The following CNTNAP2 variants were observed in gnomAD, a reference collection of about 807,000 sequenced individuals.
CNTNAP2 encodes contactin associated protein 2, also known as contactin-associated protein-like 2.
CNTNAP2 carries 98 observed loss-of-function variants against 155.2 expected under a neutral mutation model. The observed-to-expected ratio is 0.63, with a 90% CI of 0.54 to 0.75. The LOEUF is 0.75. Among genes scored for constraint, CNTNAP2 ranks in the 30% least tolerant of loss-of-function variants. The probability of loss-of-function intolerance (pLI) is 0.00; values close to 1 mark genes in which losing one functional copy is unlikely to be tolerated. For synonymous variants in CNTNAP2, 651 were observed against 631.2 expected (o/e 1.03, Z -0.47); for missense variants, 1,727 against 1,688.1 (o/e 1.02, Z -0.40).
rs1245382294 is a variant in CNTNAP2 at position 147,076,299 on chromosome 7, TC to T, written c.551-31846del. On this transcript the variant is annotated intron_variant, in intron 4 of 23. Coordinates refer to ENST00000361727, the MANE Select transcript of CNTNAP2 (RefSeq NM_014141.6). ...CACATCCTCTCCAGCACCGGTTGTTTCCTGACTTGTTAATGAACACCATTCT... is the reference window on the plus strand; with the variant it reads ...CACATCCTCTCCAGCACCGGTTGTTTCTGACTTGTTAATGAACACCATTCT... 2.6e-5 allele frequency among the ~76,000 whole-genome samples: 4 copies of T among 152,296 alleles called. 1 individual carries two copies. The highest frequency in any genetic ancestry group is 9.6e-5 in the African/African-American group (4 of 41,572).
At chr7:146,118,352 A>G (rs960476130) in intron 1 of CNTNAP2, among the ~76,000 whole-genome samples, 1 of 152,158 alleles carries the variant, frequency 6.6e-6, no homozygotes, top group East Asian at 1.9e-4. Context: ...AGAGTTAAAT[A>G]TTGTTAATAT....
At chr7:147,880,244 A>G (rs1799495526) in intron 13 of CNTNAP2, among the ~76,000 whole-genome samples, 1 of 152,178 alleles carries the variant, frequency 6.6e-6, no homozygotes, top group African/African-American at 2.4e-5. Context: ...GTGGTCATGG[A>G]CAAAAGAAAC....
intron 1 of CNTNAP2, among the ~76,000 whole-genome samples, chr7:146,692,432 C>G (rs1393321059): frequency 6.6e-6 from 1 of 152,152 alleles, no homozygotes; most frequent in Admixed American, 6.6e-5. Flanking sequence ...TCAGTGCTTG[C>G]TAATTGTGGG....
At chr7:146,962,386 G>C (rs1388457791) in intron 3 of CNTNAP2, among the ~76,000 whole-genome samples, 1 of 152,130 alleles carries the variant, frequency 6.6e-6, no homozygotes, top group Non-Finnish European at 1.5e-5. Flanking sequence ...TTCTTCTTCT[G>C]ACTAAGTAAG....
At chr7:148,099,330 C>G (rs1804045251) in intron 15 of CNTNAP2, among the ~76,000 whole-genome samples, 1 of 151,750 alleles carries the variant, frequency 6.6e-6, no homozygotes, top group South Asian at 2.1e-4. Context: ...ATTAATAACT[C>G]CATGAATTTA....
At chr7:147,022,139 AAC>A (rs1248165994) in intron 3 of CNTNAP2, among the ~76,000 whole-genome samples, 2 of 152,114 alleles carry the variant, frequency 1.3e-5, no homozygotes, top group Non-Finnish European at 2.9e-5. Context: ...CAGAATTACA[AAC>A]AGTATCTCAT....
chr7:147,652,159 T>C (rs1303965968), intron 13 of CNTNAP2, among the ~76,000 whole-genome samples: 1 of 152,208 alleles, frequency 6.6e-6, no homozygotes, highest in Non-Finnish European at 1.5e-5. Flanking sequence ...GAAATACTAG[T>C]AACACTGATG....
At chr7:146,668,344 G>C (rs1587048) in intron 1 of CNTNAP2, among the ~76,000 whole-genome samples, 122,965 of 151,962 alleles carry the variant, frequency 0.81, 50,347 homozygotes, top group South Asian at 0.91. Context: ...TATTATCTTT[G>C]TGATCTGTGC....
At chr7:147,412,664 A>T (rs903896433) in intron 10 of CNTNAP2, among the ~76,000 whole-genome samples, 2 of 152,190 alleles carry the variant, frequency 1.3e-5, no homozygotes, top group African/African-American at 2.4e-5. Context: ...ATAGTAGCAT[A>T]AAAAAGGACT....
intron 15 of CNTNAP2, among the ~76,000 whole-genome samples, chr7:148,007,399 T>C (rs371027355): frequency 8.5e-5 from 13 of 152,342 alleles, no homozygotes; most frequent in East Asian, 1.9e-4. Context: ...CAGTCTTTTA[T>C]GTTGACAATA....
intron 9 of CNTNAP2, among the ~76,000 whole-genome samples, chr7:147,356,280 G>C (rs114286907): frequency 0.016 from 2,388 of 152,058 alleles, 63 homozygotes; most frequent in African/African-American, 0.054. Flanking sequence ...TTGATGGAAG[G>C]TATCTCAAAA....
At position 146,877,676 on chromosome 7, in the gene CNTNAP2, CAT is replaced by C. The variant is rs1020715024; in HGVS notation, c.402+37779_402+37780del. The stretch of plus-strand genomic sequence containing the variant: ...ATATGTACATATACATATATGTATA[CAT>C]ATATATGGACTTTTAAACTTTTTTA... On this transcript the variant is annotated intron_variant, in intron 3 of 23. Coordinates refer to ENST00000361727, the MANE Select transcript of CNTNAP2 (RefSeq NM_014141.6). Among the ~76,000 whole-genome samples, 43 of 151,352 alleles carry C rather than the reference CAT, an allele frequency of 2.8e-4. No homozygotes were observed. In the South Asian group the frequency reaches 2.9e-3, roughly 10 times the overall value.
At chr7:146,434,103 C>T (rs770840224) in intron 1 of CNTNAP2, among the ~76,000 whole-genome samples, 1 of 152,070 alleles carries the variant, frequency 6.6e-6, no homozygotes, top group Non-Finnish European at 1.5e-5. Flanking sequence ...GACTGAATTT[C>T]ACAAATGATA....
chr7:147,991,331 T>A (rs1801707274), intron 15 of CNTNAP2, among the ~76,000 whole-genome samples: 1 of 146,206 alleles, frequency 6.8e-6, no homozygotes, highest in Non-Finnish European at 1.5e-5. Context: ...CCACAAAAGA[T>A]GATTTAAATT....
intron 9 of CNTNAP2, among the ~76,000 whole-genome samples, chr7:147,348,164 G>T (rs541695598): frequency 6.6e-6 from 1 of 151,896 alleles, no homozygotes; most frequent in South Asian, 2.1e-4. Flanking sequence ...TAAGGAAAAT[G>T]AGATTATATC....
intron 3 of CNTNAP2, among the ~76,000 whole-genome samples, chr7:146,852,912 A>G (rs1378935796): frequency 6.6e-6 from 1 of 152,206 alleles, no homozygotes; most frequent in Non-Finnish European, 1.5e-5. Flanking sequence ...TGTTCATTCT[A>G]TACGCACAGT....
intron 1 of CNTNAP2, among the ~76,000 whole-genome samples, chr7:146,606,790 C>T (rs1296197783): frequency 6.6e-6 from 1 of 152,158 alleles, no homozygotes; most frequent in Non-Finnish European, 1.5e-5. Context: ...ATTGTTCACT[C>T]CATTTTCTGG....
intron 1 of CNTNAP2, among the ~76,000 whole-genome samples, chr7:146,553,998 A>G (rs576613850): frequency 6.6e-6 from 1 of 152,314 alleles, no homozygotes; most frequent in South Asian, 2.1e-4. Flanking sequence ...ACACACACAC[A>G]GCCCCATATA....
rs866210957 is a variant in CNTNAP2 at position 146,604,930 on chromosome 7, G to C, written c.98-169341G>C. 4.2e-3 allele frequency among the ~76,000 whole-genome samples: 451 copies of C among 107,380 alleles called. 8 individuals are homozygous for C. Among genetic ancestry groups the C allele is most frequent in the African/African-American group, 0.014 (416 of 29,032 alleles). 70.4% of individuals were successfully genotyped at this position (107,380 alleles called of 152,430 possible). On this transcript the variant is annotated intron_variant, in intron 1 of 23. Coordinates refer to ENST00000361727, the MANE Select transcript of CNTNAP2 (RefSeq NM_014141.6). ...CACACTCTGGGGACTGTTGTGGGGT[G>C]GGGGGAGGGGGGAGGGATAGCATTG... is the stretch of plus-strand genomic sequence containing the variant.
Sources: allele counts gnomAD v4.1 joint callset (sites outside exome capture counted in the v4.1 genomes callset), GRCh38; gene constraint gnomAD v4.1.1; transcripts MANE v1.5; gene names NCBI Gene and HGNC (gene_info 2026-07-23, HGNC 2026-07-21).